VRK2: variants seen among roughly 807,000 people sequenced by gnomAD.
The protein encoded by VRK2 is VRK serine/threonine kinase 2.
A neutral mutation model predicts 57.6 loss-of-function variants in VRK2; 60 were observed. The observed-to-expected ratio is 1.04, with a 90% confidence interval of 0.85 to 1.29. The LOEUF is 1.29. Among genes scored for constraint, VRK2 ranks in the 50% most tolerant of loss-of-function variants. The pLI is 0.00. For missense variants in VRK2, 705 were observed against 588.1 expected (o/e 1.20, Z -2.06); for synonymous variants, 231 against 199.2 (o/e 1.16, Z -1.35).
chr2:58,046,304 G>A (rs952276313), upstream of VRK2, among the ~76,000 whole-genome samples: 1 of 152,162 alleles, frequency 6.6e-6, no homozygotes, highest in African/African-American at 2.4e-5. Context: ...ATTATCCTAC[G>A]ATTAATGGCA....
At chr2:58,085,510 G>A (rs963139916) in intron 4 of VRK2, among the ~76,000 whole-genome samples, 2 of 151,686 alleles carry the variant, frequency 1.3e-5, no homozygotes, top group African/African-American at 4.8e-5. Context: ...TAAGCAGAGA[G>A]GAAAAATAAC....
intron 1 of VRK2, among the ~76,000 whole-genome samples, chr2:58,002,888 T>C (rs1673132664): frequency 6.6e-6 from 1 of 152,190 alleles, no homozygotes; most frequent in Non-Finnish European, 1.5e-5. Context: ...CATCACAAAA[T>C]ACATCATTTG....
intron 1 of VRK2, among the ~76,000 whole-genome samples, chr2:58,013,795 C>A (rs957417258): frequency 7.3e-6 from 1 of 136,512 alleles, no homozygotes; most frequent in Non-Finnish European, 1.5e-5. Flanking sequence ...GAAGGCGGAG[C>A]TTGCAGTGAG....
chr2:58,115,057 T>C (rs948400491), intron 7 of VRK2, among the ~76,000 whole-genome samples: 4 of 152,084 alleles, frequency 2.6e-5, no homozygotes, highest in African/African-American at 7.2e-5. Flanking sequence ...TCCTTGAGGA[T>C]AGATTTCCAC....
At chr2:58,141,535 G>A (rs888981296) in intron 11 of VRK2, among the ~76,000 whole-genome samples, 6 of 151,884 alleles carry the variant, frequency 4.0e-5, no homozygotes, top group South Asian at 2.1e-4. Context: ...TAAGACCTAC[G>A]CTAATTTCTG....
At chr2:57,922,309 CAT>C (rs1382044070) in intron 1 of VRK2, among the ~76,000 whole-genome samples, 1 of 151,914 alleles carries the variant, frequency 6.6e-6, no homozygotes, top group Non-Finnish European at 1.5e-5. Context: ...TCAACATCGT[CAT>C]CTTTTTTCAG....
At chr2:57,995,030 A>G (rs2104093929) in intron 1 of VRK2, among the ~76,000 whole-genome samples, 1 of 152,340 alleles carries the variant, frequency 6.6e-6, no homozygotes, top group South Asian at 2.1e-4. Flanking sequence ...GGAAAGGGAA[A>G]AAGTATTTTA....
intron 7 of VRK2, among the ~76,000 whole-genome samples, chr2:58,109,315 A>T (rs562439812): frequency 1.3e-5 from 2 of 152,324 alleles, no homozygotes; most frequent in South Asian, 2.1e-4. Context: ...GCATAAATTT[A>T]AAAAAGCTAA....
chr2:57,984,743 A>G (rs1394613684), intron 1 of VRK2, among the ~76,000 whole-genome samples: 1 of 152,116 alleles, frequency 6.6e-6, no homozygotes, highest in Non-Finnish European at 1.5e-5. Context: ...ATAATGAGAT[A>G]TACATTTTGA....
intron 1 of VRK2, among the ~76,000 whole-genome samples, chr2:57,954,745 G>A (rs1414549622): frequency 2.0e-5 from 3 of 151,810 alleles, no homozygotes; most frequent in African/African-American, 7.3e-5. Flanking sequence ...TTAAAATCAT[G>A]AGCCTGATGG....
chr2:58,067,938 GT>G (rs112799482), intron 2 of VRK2, among the ~76,000 whole-genome samples: 1 of 138,080 alleles, frequency 7.2e-6, no homozygotes, highest in Non-Finnish European at 1.6e-5. Context: ...TTTTTGTTTT[GT>G]TTTTTTTTGA....
intron 1 of VRK2, among the ~76,000 whole-genome samples, chr2:57,921,508 T>C (rs1444889049): frequency 6.6e-6 from 1 of 152,022 alleles, no homozygotes; most frequent in African/African-American, 2.4e-5. Context: ...GAAAACATTG[T>C]TCTGAATTTT....
At chr2:58,087,340 A>G (rs1339696094) in intron 5 of VRK2, among the ~76,000 whole-genome samples, 1 of 152,186 alleles carries the variant, frequency 6.6e-6, no homozygotes, top group African/African-American at 2.4e-5. Flanking sequence ...GGGGGACTGA[A>G]TGGCTGATTG....
chr2:58,034,663 C>A (rs1162384939), intron 3 of VRK2, among the ~76,000 whole-genome samples: 2 of 151,962 alleles, frequency 1.3e-5, no homozygotes, highest in East Asian at 3.9e-4. Context: ...ACCCTCTGTT[C>A]CATTCCATCA....
intron 1 of VRK2, among the ~76,000 whole-genome samples, chr2:57,939,399 T>C (rs1232072770): frequency 6.6e-6 from 1 of 152,168 alleles, no homozygotes; most frequent in African/African-American, 2.4e-5. Context: ...GATATTATTA[T>C]TCCTATATCA....
At chr2:58,098,765 C>T (rs1673527705) in intron 7 of VRK2, among the ~76,000 whole-genome samples, 1 of 151,972 alleles carries the variant, frequency 6.6e-6, no homozygotes, top group Non-Finnish European at 1.5e-5. Flanking sequence ...CAATGCATGA[C>T]TATATTAAGA....
chr2:57,957,199 T>C (rs760224786), intron 1 of VRK2, among the ~76,000 whole-genome samples: 3 of 152,152 alleles, frequency 2.0e-5, no homozygotes, highest in Non-Finnish European at 4.4e-5. Context: ...GAGGCCTATA[T>C]ATACATTGAG....
chr2:58,137,582 G>T (rs909592434), intron 10 of VRK2, among the ~76,000 whole-genome samples: 2 of 151,942 alleles, frequency 1.3e-5, no homozygotes, highest in African/African-American at 4.8e-5. Context: ...AAATTAGGAG[G>T]TTGTGCTTAG....
At chr2:57,942,819 G>T (rs1262574131) in intron 1 of VRK2, among the ~76,000 whole-genome samples, 1 of 152,156 alleles carries the variant, frequency 6.6e-6, no homozygotes, top group Non-Finnish European at 1.5e-5. Flanking sequence ...TCAGTTTACA[G>T]TCAACCGATG....
Sources: allele counts gnomAD v4.1 joint callset (sites outside exome capture counted in the v4.1 genomes callset), GRCh38; gene constraint gnomAD v4.1.1; transcripts MANE v1.5; gene names NCBI Gene and HGNC (gene_info 2026-07-23, HGNC 2026-07-21).